The following FLRT1 variants were observed in gnomAD, a reference collection of about 807,000 sequenced individuals.
FLRT1 encodes the protein leucine-rich repeat transmembrane protein FLRT1.
A neutral mutation model predicts 30.9 loss-of-function variants in FLRT1; 14 were observed. That is an observed-to-expected ratio of 0.45 (90% CI 0.30 to 0.71). FLRT1 has a LOEUF of 0.71. FLRT1 is among the 30% of genes least tolerant of loss of function. The pLI, the probability that FLRT1 is intolerant of heterozygous loss-of-function variation, is 0.08. For missense variants in FLRT1, 737 were observed against 949.2 expected (o/e 0.78, Z 2.94); for synonymous variants, 368 against 430.4 (o/e 0.85, Z 1.80).
intron 1 of FLRT1, among the ~76,000 whole-genome samples, chr11:64,072,570 G>A (rs767993322): frequency 4.6e-5 from 7 of 152,254 alleles, no homozygotes; most frequent in African/African-American, 1.4e-4. Flanking sequence ...GCATCCTGAC[G>A]TGTGGCCTTG....
intron 1 of FLRT1, among the ~76,000 whole-genome samples, chr11:64,042,506 G>A (rs370289422): frequency 2.0e-5 from 3 of 152,170 alleles, no homozygotes; most frequent in South Asian, 2.1e-4. Context: ...GCCCTGCAGC[G>A]TAACCTTTGA....
chr11:64,106,994 C>T (rs1186308290), intron 2 of FLRT1, among the ~76,000 whole-genome samples: 1 of 152,226 alleles, frequency 6.6e-6, no homozygotes, highest in Non-Finnish European at 1.5e-5. Context: ...AGTGAATCTC[C>T]TGCCTCAGCC....
chr11:64,077,734 C>T (rs1255089443), intron 1 of FLRT1, among the ~76,000 whole-genome samples: 5 of 152,218 alleles, frequency 3.3e-5, no homozygotes, highest in Non-Finnish European at 7.3e-5. Context: ...GGTCACTACC[C>T]CTCACTGCAT....
At chr11:64,045,375 G>A (rs1590832457) in intron 1 of FLRT1, among the ~76,000 whole-genome samples, 2 of 113,786 alleles carry the variant, frequency 1.8e-5, no homozygotes, top group Admixed American at 8.3e-5. Flanking sequence ...CTGCTCCGCC[G>A]GGACCTGGGC....
rs1014122216 is a variant in FLRT1, at chr11:64,082,868, T to C, written c.-1037-20326T>C. On this transcript the variant is annotated intron_variant, in intron 1 of 2. Transcript: ENST00000682287. This position sits in a 1 kb window ranked among gnomAD's most constrained non-coding sequence, Gnocchi z 4.5. ...CCAGACACCGAGGTAGGCAGGGCTG[T>C]GCCTGCTCCAGCCCAGGGCCCCCTG... 5.2e-5 allele frequency: 8 copies of C among 152,606 alleles called. No homozygotes were observed. The highest frequency in any genetic ancestry group is 1.9e-4 in the African/African-American group (8 of 41,566). 9.5% of individuals were successfully genotyped at this position (152,606 alleles called of 1,614,324 possible). A position where few individuals can be genotyped will look rare whatever the true frequency, so the allele number is the denominator to read the frequency against.
At chr11:64,071,884 G>A (rs563135408) in intron 1 of FLRT1, among the ~76,000 whole-genome samples, 85 of 152,318 alleles carry the variant, frequency 5.6e-4, no homozygotes, top group Non-Finnish European at 8.4e-4. Context: ...GAGAGCCCTG[G>A]GAGGGCGCCT....
At chr11:64,043,601 C>G (rs12420136) in intron 1 of FLRT1, among the ~76,000 whole-genome samples, 11,018 of 152,172 alleles carry the variant, frequency 0.072, 513 homozygotes, top group Non-Finnish European at 0.12. Context: ...AAGCATGGGG[C>G]TCAAATGTCA....
intron 1 of FLRT1, among the ~76,000 whole-genome samples, chr11:64,062,774 C>T (rs1266560990): frequency 6.6e-6 from 1 of 152,182 alleles, no homozygotes; most frequent in African/African-American, 2.4e-5. Context: ...CCAGGCCGGG[C>T]AGGTCTGGGG....
intron 1 of FLRT1, among the ~76,000 whole-genome samples, chr11:64,097,271 C>T (rs1223245402): frequency 3.3e-5 from 5 of 152,254 alleles, no homozygotes; most frequent in Non-Finnish European, 7.3e-5. Context: ...CAGGTGGCTA[C>T]GGTCTGCGCC....
intron 2 of FLRT1, among the ~76,000 whole-genome samples, chr11:64,114,256 G>GTGGATGGA (rs1555025643): frequency 6.5e-4 from 89 of 137,820 alleles, no homozygotes; most frequent in Non-Finnish European, 1.0e-3. Context: ...GGATGGTTAG[G>GTGGATGGA]TGGATGGATG....
At chr11:64,066,075 T>A (rs1163861889) in intron 1 of FLRT1, among the ~76,000 whole-genome samples, 2 of 151,678 alleles carry the variant, frequency 1.3e-5, no homozygotes, top group Non-Finnish European at 2.9e-5. Flanking sequence ...GGTGGGCGGA[T>A]CACCTGAGGT....
chr11:64,051,671 C>T (rs1186592749), intron 1 of FLRT1, among the ~76,000 whole-genome samples: 1 of 152,152 alleles, frequency 6.6e-6, no homozygotes, highest in Non-Finnish European at 1.5e-5. Flanking sequence ...TCCGAGCTCA[C>T]GGCCCGGAGC....
rs1328570825 is a variant in FLRT1 at position 64,036,051 on chromosome 11, TG to T, written c.-1143del. ...CGGGGGCTCCTCTCCCGGGCCCCCC[TG>T]GGCGCCCTCCGGCTCTGGTTCCCGC... On this transcript the variant is annotated 5_prime_UTR_variant, in exon 1 of 3. It removes the in-frame stop codon of an upstream open reading frame in the 5' UTR. Coordinates refer to ENST00000682287, the MANE Select transcript of FLRT1 (RefSeq NM_013280.5). This position sits in a 1 kb window ranked among gnomAD's most constrained non-coding sequence, Gnocchi z 5.6. The T allele has an allele frequency of 6.6e-6, 1 of 150,842 alleles. No individual in the cohort carries two copies. Among genetic ancestry groups the T allele is most frequent in the Non-Finnish European group, 1.5e-5 (1 of 67,652 alleles). The allele number at this position is 150,842 out of a possible 1,614,324, so 9.3% of individuals were successfully genotyped here. A position where few individuals can be genotyped will look rare whatever the true frequency, so the allele number is the denominator to read the frequency against.
At chr11:64,071,055 C>A (rs1333406210) in intron 1 of FLRT1, among the ~76,000 whole-genome samples, 1 of 152,124 alleles carries the variant, frequency 6.6e-6, no homozygotes, top group Non-Finnish European at 1.5e-5. Flanking sequence ...CTCTGTGCAC[C>A]TGTTGGGGAC....
Position 64,118,994 on chromosome 11 carries a change from T to C in FLRT1, c.*702T>C, listed in dbSNP as rs914044610. The C allele has an allele frequency of 6.0e-6, 1 of 167,170 alleles. No homozygotes were observed. The highest frequency in any genetic ancestry group is 2.4e-5 in the African/African-American group (1 of 41,438). The allele number at this position is 167,170 out of a possible 1,614,324, so 10.4% of individuals were successfully genotyped here. A position where few individuals can be genotyped will look rare whatever the true frequency, so the allele number is the denominator to read the frequency against. ...CTTCAGTTCCATGCACCACGCTCCGTAGAAGCCCCGGCGGAAGCCGTAGCT... is the reference window on the plus strand; with the variant it reads ...CTTCAGTTCCATGCACCACGCTCCGCAGAAGCCCCGGCGGAAGCCGTAGCT... On this transcript the variant is annotated 3_prime_UTR_variant, in exon 3 of 3. Transcript: ENST00000682287.
chr11:64,040,603 G>T (rs1383217082), intron 1 of FLRT1, among the ~76,000 whole-genome samples: 1 of 152,238 alleles, frequency 6.6e-6, no homozygotes, highest in Non-Finnish European at 1.5e-5. Context: ...AGAGCTGTGT[G>T]TTCACCTGCG....
At chr11:64,074,335 G>A (rs1053700031) in intron 1 of FLRT1, among the ~76,000 whole-genome samples, 4 of 152,186 alleles carry the variant, frequency 2.6e-5, no homozygotes, top group African/African-American at 7.2e-5. Flanking sequence ...GCAAGGTCCC[G>A]CTCTGGGAGG....
intron 1 of FLRT1, among the ~76,000 whole-genome samples, chr11:64,068,659 C>G (rs575055671): frequency 6.6e-6 from 1 of 152,234 alleles, no homozygotes; most frequent in Admixed American, 6.5e-5. Context: ...GTCTCTACCC[C>G]CTCCAGCCTG....
At chr11:64,114,601 G>A (rs1338301257) in intron 2 of FLRT1, among the ~76,000 whole-genome samples, 2 of 150,582 alleles carry the variant, frequency 1.3e-5, no homozygotes, top group African/African-American at 2.5e-5. Context: ...GAAGGATGGT[G>A]GACAGATGGA....
Sources: allele counts gnomAD v4.1 joint callset (sites outside exome capture counted in the v4.1 genomes callset), GRCh38; gene constraint gnomAD v4.1.1; non-coding constraint Gnocchi (gnomAD v3.1); transcripts MANE v1.5; gene names NCBI Gene and HGNC (gene_info 2026-07-23, HGNC 2026-07-21).